The following PTPRE variants were observed in gnomAD, a reference collection of about 807,000 sequenced individuals.
The protein encoded by PTPRE is protein tyrosine phosphatase receptor type E, also known as receptor-type tyrosine-protein phosphatase epsilon.
Under a neutral mutation model 102.0 loss-of-function variants are expected in PTPRE, and 51 were observed. The ratio of observed to expected loss-of-function variants is 0.50; its 90% CI spans 0.40 to 0.63. The LOEUF is 0.63. PTPRE is among the 30% of genes least tolerant of loss of function. The pLI, the probability that PTPRE is intolerant of heterozygous loss-of-function variation, is 0.00. For missense variants in PTPRE, 752 were observed against 915.1 expected, an observed-to-expected ratio of 0.82 and a Z score of 2.30; for synonymous variants, 345 against 348.2, an observed-to-expected ratio of 0.99 and a Z score of 0.10.
rs138593615 is a variant in PTPRE, at chr10:127,959,116, G to A, written c.-30-23158G>A. Among the ~76,000 whole-genome samples, 276 of 152,204 alleles carry A rather than the reference G, an allele frequency of 1.8e-3. 2 individuals carry two copies. Among genetic ancestry groups the A allele is most frequent in the African/African-American group, 6.3e-3 (263 of 41,536 alleles). ...TCTCCATGTTGGTCAGGCTGGTCTC[G>A]AACTCCCAACCTCAAGTGATCCGCC... On this transcript the variant is annotated intron_variant, in intron 1 of 20. Coordinates refer to ENST00000254667, the MANE Select transcript of PTPRE (RefSeq NM_006504.6).
At chr10:127,947,569 A>C (rs1848715314) in intron 1 of PTPRE, among the ~76,000 whole-genome samples, 1 of 152,170 alleles carries the variant, frequency 6.6e-6, no homozygotes, top group Non-Finnish European at 1.5e-5. Context: ...AAATTTTCAC[A>C]ATGTTTAAAA....
chr10:128,079,023 A>G (rs1172101281), intron 19 of PTPRE, among the ~76,000 whole-genome samples: 2 of 152,174 alleles, frequency 1.3e-5, no homozygotes, highest in South Asian at 4.1e-4. Flanking sequence ...GTAAATGGAG[A>G]TGACTCAAAT....
chr10:128,060,918 T>A, intron 7 of PTPRE, 21 bp from the exon 8 acceptor site: 1 of 1,610,822 alleles, frequency 6.2e-7, no homozygotes, highest in Non-Finnish European at 8.5e-7. Context: ...TATCTTGGCT[T>A]TGTTTGGGTT....
intron 16 of PTPRE, among the ~76,000 whole-genome samples, chr10:128,072,872 G>A (rs1001881427): frequency 1.3e-5 from 2 of 152,170 alleles, no homozygotes; most frequent in Admixed American, 1.3e-4. Flanking sequence ...ACAATTATGT[G>A]TTCAGGGCAC....
At chr10:128,031,199 A>G (rs1414255554) in intron 2 of PTPRE, among the ~76,000 whole-genome samples, 3 of 152,272 alleles carry the variant, frequency 2.0e-5, no homozygotes, top group African/African-American at 7.2e-5. Context: ...CTTTGAAATC[A>G]AAAGTGTAGC....
chr10:127,976,168 T>C (rs886734339), intron 1 of PTPRE, among the ~76,000 whole-genome samples: 1 of 152,108 alleles, frequency 6.6e-6, no homozygotes, highest in African/African-American at 2.4e-5. Context: ...ACAGTGACTG[T>C]CAGTATCTGA....
At chr10:127,954,513 A>C (rs1298698554) in intron 1 of PTPRE, among the ~76,000 whole-genome samples, 1 of 152,202 alleles carries the variant, frequency 6.6e-6, no homozygotes, top group African/African-American at 2.4e-5. Flanking sequence ...ATTGCTTCTG[A>C]CCAAGGAATT....
At chr10:128,071,263 G>A (rs915379024) in intron 15 of PTPRE, 3 of 301,248 alleles carry the variant, frequency 1.0e-5, no homozygotes, top group Non-Finnish European at 1.9e-5. Context: ...CCAAGCCTGG[G>A]CAGAGGCCCG....
intron 2 of PTPRE, among the ~76,000 whole-genome samples, chr10:128,018,520 G>A (rs2135671017): frequency 6.6e-6 from 1 of 152,334 alleles, no homozygotes; most frequent in African/African-American, 2.4e-5. Flanking sequence ...CGATGCAGAT[G>A]TTTCCTGCTA....
intron 6 of PTPRE, among the ~76,000 whole-genome samples, chr10:128,050,586 A>G (rs1245838577): frequency 6.6e-6 from 1 of 152,232 alleles, no homozygotes; most frequent in Non-Finnish European, 1.5e-5. Context: ...AATTTTATGC[A>G]TCTTCACCTT....
At chr10:128,066,699 A>G (rs144848616) in intron 11 of PTPRE, among the ~76,000 whole-genome samples, 3 of 152,380 alleles carry the variant, frequency 2.0e-5, no homozygotes, top group African/African-American at 4.8e-5. Context: ...GTTTAAAACC[A>G]TAGAGAAAAG....
rs558674697 is a variant in PTPRE at position 128,045,615 on chromosome 10, C to T, written c.110-1775C>T. Among the ~76,000 whole-genome samples the T allele has an allele frequency of 9.2e-5, 14 of 152,278 alleles. No individual in the cohort carries two copies. The East Asian group carries it at 1.9e-3, about 21-fold the overall frequency. ...CGTGGGGCTGGGCTCCAGGCTGCCCCTCCCTCCGTGTCAGGGGTCTTCCCA... is the reference window on the plus strand; with the variant it reads ...CGTGGGGCTGGGCTCCAGGCTGCCCTTCCCTCCGTGTCAGGGGTCTTCCCA... On this transcript the variant is annotated intron_variant, in intron 3 of 20. Coordinates refer to ENST00000254667, the MANE Select transcript of PTPRE (RefSeq NM_006504.6).
intron 2 of PTPRE, among the ~76,000 whole-genome samples, chr10:127,996,332 C>T (rs1057133708): frequency 1.3e-5 from 2 of 152,202 alleles, no homozygotes; most frequent in Non-Finnish European, 2.9e-5. Flanking sequence ...AATCGCTTTC[C>T]ACCATAGAAA....
intron 1 of PTPRE, among the ~76,000 whole-genome samples, chr10:127,970,354 A>C (rs1850632413): frequency 6.6e-6 from 1 of 152,144 alleles, no homozygotes; most frequent in Admixed American, 6.5e-5. Context: ...TTGCGGATGA[A>C]AGGGTTGTAT....
intron 6 of PTPRE, among the ~76,000 whole-genome samples, chr10:128,050,984 T>C (rs1366044072): frequency 6.6e-6 from 1 of 152,270 alleles, no homozygotes; most frequent in Non-Finnish European, 1.5e-5. Flanking sequence ...TCCTTTTTAT[T>C]GTTTCCAAAT....
intron 1 of PTPRE, among the ~76,000 whole-genome samples, chr10:127,943,745 T>C (rs1478136016): frequency 2.6e-5 from 4 of 152,258 alleles, no homozygotes; most frequent in Non-Finnish European, 4.4e-5. Context: ...GGGGATTTTA[T>C]TGGTCTTCTC....
intron 1 of PTPRE, among the ~76,000 whole-genome samples, chr10:127,960,664 T>C (rs113229482): frequency 2.6e-5 from 4 of 152,368 alleles, no homozygotes; most frequent in African/African-American, 9.6e-5. Context: ...AAACTTGCCA[T>C]AGCCCAGATC....
At position 127,944,789 on chromosome 10, in the gene PTPRE, G is replaced by A. The variant is rs1054142050; in HGVS notation, c.-31+37480G>A. ...AGAGACTAGCTAGGGGGTTGTTGCA[G>A]TGAAAGAAGATAGTGGCATAAAATT... On this transcript the variant is annotated intron_variant, in intron 1 of 20. Transcript: ENST00000254667. The surrounding 1 kb of genome is among the most constrained non-coding windows in gnomAD (Gnocchi z 4.2). 6.6e-6 allele frequency among the ~76,000 whole-genome samples: 1 copy of A among 152,168 alleles called. No individual in the cohort carries two copies. Among genetic ancestry groups the A allele is most frequent in the African/African-American group, 2.4e-5 (1 of 41,440 alleles).
chr10:128,062,520 C>G (rs1337543194), intron 9 of PTPRE, among the ~76,000 whole-genome samples: 1 of 152,210 alleles, frequency 6.6e-6, no homozygotes, highest in Non-Finnish European at 1.5e-5. Flanking sequence ...GCTTCCTTAT[C>G]TCCCCGCCCA....
Sources: allele counts gnomAD v4.1 joint callset (sites outside exome capture counted in the v4.1 genomes callset), GRCh38; gene constraint gnomAD v4.1.1; non-coding constraint Gnocchi (gnomAD v3.1); transcripts MANE v1.5; gene names NCBI Gene and HGNC (gene_info 2026-07-23, HGNC 2026-07-21).